CES3: variants seen among roughly 807,000 people sequenced by gnomAD.
CES3 encodes the protein carboxylesterase 3 (brain).
CES3 carries 49 observed loss-of-function variants against 57.6 expected under a neutral mutation model. The observed-to-expected ratio is 0.85, with a 90% CI of 0.68 to 1.08. CES3 has a LOEUF of 1.08. Ranked by LOEUF, CES3 falls within the 50% of genes least tolerant of loss-of-function variation. The probability of loss-of-function intolerance (pLI) is 0.00; values close to 1 mark genes in which losing one functional copy is unlikely to be tolerated. For missense variants in CES3, 645 were observed against 742.0 expected, an observed-to-expected ratio of 0.87 and a Z score of 1.52; for synonymous variants, 266 against 281.6, an observed-to-expected ratio of 0.94 and a Z score of 0.55.
chr16:66,963,061 G>C lies in CES3; in HGVS notation c.83-118G>C. 9.2e-7 allele frequency: 1 copy of C among 1,087,166 alleles called. No homozygotes were observed. The highest frequency in any genetic ancestry group is 1.4e-6 in the Non-Finnish European group (1 of 726,164). 67.3% of individuals were successfully genotyped at this position (1,087,166 alleles called of 1,614,324 possible). On this transcript the variant is annotated intron_variant, in intron 1 of 12. Transcript: ENST00000303334. The surrounding 1 kb of genome is among the most constrained non-coding windows in gnomAD (Gnocchi z 4.9). ...TAAGACCAGGCTCACCGGCTTGCTG[G>C]GAAGGTTACCAAGATGCTGTGTGGT...
At chr16:66,962,172 C>T (rs1963659220) in intron 1 of CES3, among the ~76,000 whole-genome samples, 1 of 152,186 alleles carries the variant, frequency 6.6e-6, no homozygotes, top group South Asian at 2.1e-4. Context: ...AGCCAGCTTC[C>T]TGGTACCCGG....
intron 8 of CES3, chr16:66,967,460 C>G: frequency 5.1e-6 from 5 of 982,284 alleles, no homozygotes; most frequent in Non-Finnish European, 4.8e-6. Flanking sequence ...ACATCAGGCT[C>G]TATGAGACTG....
chr16:66,962,253 G>A (rs66645535), intron 1 of CES3, among the ~76,000 whole-genome samples: 6,655 of 152,262 alleles, frequency 0.044, 491 homozygotes, highest in African/African-American at 0.15. Context: ...GGTTGGGTAT[G>A]GCTCTGGACT....
At chr16:66,969,857 C>A in intron 9 of CES3, 98 bp downstream of exon 9, 1 of 968,696 alleles carries the variant, frequency 1.0e-6, no homozygotes, top group Non-Finnish European at 1.6e-6. Context: ...CCTTCCGACA[C>A]CCACAGCTAC....
intron 6 of CES3, among the ~76,000 whole-genome samples, chr16:66,965,663 T>C (rs2145533530): frequency 6.6e-6 from 1 of 152,330 alleles, no homozygotes; most frequent in East Asian, 1.9e-4. Flanking sequence ...CTTGAGGTCA[T>C]TCCCTGTCTC....
At position 66,971,331 on chromosome 16, in the gene CES3, C is replaced by T; in HGVS notation, c.1291+12C>T. The T allele has an allele frequency of 5.0e-6, 8 of 1,609,260 alleles. No homozygotes were observed. The highest frequency in any genetic ancestry group is 6.8e-6 in the Non-Finnish European group (8 of 1,176,812). On this transcript the variant is annotated intron_variant, in intron 10 of 12. Coordinates refer to ENST00000303334, the MANE Select transcript of CES3 (RefSeq NM_024922.6). ...AAGATACCTTCGAGGTAAGCCTGTCCCTGGCCACCTGCCCAACCCCTCCCA... is the reference window on the plus strand; with the variant it reads ...AAGATACCTTCGAGGTAAGCCTGTCTCTGGCCACCTGCCCAACCCCTCCCA...
rs756719449 is a variant in CES3 at position 66,964,702 on chromosome 16, A to G, written c.794A>G (p.Asp265Gly). The G allele has an allele frequency of 5.0e-6, 8 of 1,611,934 alleles. No homozygotes were observed. The South Asian group carries it at 8.8e-5, about 18-fold the overall frequency. Residue 265 changes from aspartate to glycine, a missense_variant, in exon 6 of 13, where the codon GAC (aspartate) becomes GGC (glycine). Transcript: ENST00000303334. ...GTCATCACCACCCCAGGGATCATCG[A>G]CTCTCACCCTTGGCCCCTAGCTCAG... ...SGVITTPGII[D>G]SHPWPLAQKI...
In CES3 at chr16:66,966,840, A is replaced by C. The variant is rs1369567578; in HGVS notation, c.1037A>C (p.His346Pro). The C allele has an allele frequency of 6.2e-7, 1 of 1,614,004 alleles. No homozygotes were observed. Among genetic ancestry groups the C allele is most frequent in the Non-Finnish European group, 8.5e-7 (1 of 1,180,026 alleles). ...CCCTTCCTCATGGGTGTCAACAACC[A>C]TGAGTTCAGCTGGCTCATCCCCAGG... ...SVPFLMGVNN[H>P]EFSWLIPRGW... The change falls in exon 8 of 13, where the codon CAT becomes CCT. Residue 346 changes from histidine to proline, a missense_variant. By Grantham distance (77) the His-to-Pro change is moderately conservative. Transcript: ENST00000303334.
At position 66,963,548 on chromosome 16, in the gene CES3, G is replaced by A; in HGVS notation, c.345G>A (p.Gln115=). ...NSSRFVLNGK[Q]QIFSVSEDCL... is the part of the protein sequence containing the mutation. ...GCAGATTTGTCCTCAACGGAAAACA[G>A]CAGATCTTCTCCGTTTCAGAGGACT... Residue 115 remains glutamine (Q), a synonymous_variant, in exon 3 of 13, where the codon CAG becomes CAA. Coordinates refer to ENST00000303334, the MANE Select transcript of CES3 (RefSeq NM_024922.6). The surrounding 1 kb of genome is among the most constrained non-coding windows in gnomAD (Gnocchi z 4.9). 6.2e-7 allele frequency: 1 copy of A among 1,614,224 alleles called. No homozygotes were observed. The highest frequency in any genetic ancestry group is 2.2e-5 in the East Asian group (1 of 44,888).
rs894174240 is a variant in CES3, at chr16:66,973,401, C to T, written c.*352C>T. 4.6e-5 allele frequency: 10 copies of T among 218,566 alleles called. No homozygotes were observed. Among genetic ancestry groups the T allele is most frequent in the South Asian group, 3.4e-4 (4 of 11,888 alleles). The allele number at this position is 218,566 out of a possible 1,614,324, so 13.5% of individuals were successfully genotyped here. ...TGCGTCCATTAGAGCACAGTCCACC[C>T]GAGGCTAGCACCGTGTCTGTGTCTG... On this transcript the variant is annotated 3_prime_UTR_variant, in exon 13 of 13. Transcript: ENST00000303334.
At chr16:66,965,404 A>G (rs945953700) in intron 6 of CES3, among the ~76,000 whole-genome samples, 1 of 152,174 alleles carries the variant, frequency 6.6e-6, no homozygotes, top group African/African-American at 2.4e-5. Context: ...ACAGGATGGA[A>G]TAGGGATAGA....
At position 66,963,435 on chromosome 16, in the gene CES3, G is replaced by A; in HGVS notation, c.287+52G>A. ...AACAGGCAGGTTGCAGGAGAATCCT[G>A]CTGCTGGGGCTTGTGGGGCTGAACA... On this transcript the variant is annotated intron_variant, in intron 2 of 12. Coordinates refer to ENST00000303334, the MANE Select transcript of CES3 (RefSeq NM_024922.6). The surrounding 1 kb of genome is among the most constrained non-coding windows in gnomAD (Gnocchi z 4.9). 2 of 1,610,258 alleles carry A rather than the reference G, an allele frequency of 1.2e-6. No individual in the cohort carries two copies. The highest frequency in any genetic ancestry group is 1.7e-6 in the Non-Finnish European group (2 of 1,177,016).
intron 6 of CES3, among the ~76,000 whole-genome samples, chr16:66,965,641 C>G (rs1370988533): frequency 1.3e-5 from 2 of 152,196 alleles, no homozygotes; most frequent in African/African-American, 2.4e-5. Context: ...GAGAGATTTT[C>G]TCAACCACAG....
intron 8 of CES3, among the ~76,000 whole-genome samples, 168 bp downstream of exon 8, chr16:66,967,033 G>C (rs981077329): frequency 2.0e-5 from 3 of 152,016 alleles, no homozygotes; most frequent in Admixed American, 1.3e-4. Context: ...AGGTCACCCA[G>C]CTTTGTTTTG....
chr16:66,966,179 G>A, intron 6 of CES3, 65 bp from the exon 7 acceptor site: 1 of 1,435,700 alleles, frequency 7.0e-7, no homozygotes. Flanking sequence ...TCTGTGGGAG[G>A]CAGAAGGCTG....
rs1359164004 is a variant in CES3 at position 66,963,375 on chromosome 16, G to A, written c.279G>A (p.Ala93=). 13 of 1,612,598 alleles carry A rather than the reference G, an allele frequency of 8.1e-6. No individual in the cohort carries two copies. Among genetic ancestry groups the A allele is most frequent in the East Asian group, 6.7e-5 (3 of 44,882 alleles). The change falls in exon 2 of 13, where the codon GCG becomes GCA. Residue 93 remains alanine (A), a synonymous_variant. Coordinates refer to ENST00000303334, the MANE Select transcript of CES3 (RefSeq NM_024922.6). This position sits in a 1 kb window ranked among gnomAD's most constrained non-coding sequence, Gnocchi z 4.9. ...AGGGTGTGCGGGATGCCAGCACTGC[G>A]CCCCCAATGTGAGTAGTGCTGGTGG... ...PWEGVRDAST[A]PPMCLQDVES...
intron 7 of CES3, 43 bp downstream of exon 7, chr16:66,966,388 A>C: frequency 6.3e-7 from 1 of 1,577,912 alleles, no homozygotes; most frequent in Non-Finnish European, 8.7e-7. Flanking sequence ...AATGGCACAG[A>C]GGGGGTTCTA....
intron 11 of CES3, 48 bp downstream of exon 11, chr16:66,972,553 A>G (rs747114025): frequency 1.2e-6 from 2 of 1,605,760 alleles, no homozygotes; most frequent in African/African-American, 1.3e-5. Flanking sequence ...CCAGACTCCA[A>G]GGGGCCTGGG....
intron 9 of CES3, among the ~76,000 whole-genome samples, 159 bp downstream of exon 9, chr16:66,969,918 C>T (rs566522277): frequency 6.6e-6 from 1 of 152,226 alleles, no homozygotes; most frequent in Admixed American, 6.5e-5. Context: ...ACTTCCACTC[C>T]GGAATCTCCT....
Sources: gnomAD v4.1 joint callset for allele counts (sites outside exome capture counted in the v4.1 genomes callset) on GRCh38, gnomAD v4.1.1 for gene constraint, Gnocchi (gnomAD v3.1) non-coding constraint, MANE v1.5 for transcripts, NCBI Gene and HGNC (gene_info 2026-07-23, HGNC 2026-07-21) for gene names.